The following HGSNAT variants were observed in gnomAD, a reference collection of about 807,000 sequenced individuals.
HGSNAT encodes the protein heparan-alpha-glucosaminide N-acetyltransferase.
A neutral mutation model predicts 85.2 loss-of-function variants in HGSNAT; 59 were observed. That is an observed-to-expected ratio of 0.69 (90% confidence interval 0.56 to 0.86). The LOEUF (loss-of-function observed/expected upper bound fraction) is 0.86. Among genes scored for constraint, HGSNAT ranks in the 40% least tolerant of loss-of-function variants. The pLI is 0.00. For missense variants in HGSNAT, 756 were observed against 777.1 expected (o/e 0.97, Z 0.32); for synonymous variants, 321 against 304.5 (o/e 1.05, Z -0.56).
At chr8:43,180,237 C>T (rs149405498) in intron 10 of HGSNAT, 10,399 of 51,546 alleles carry the variant, frequency 0.2, 1 homozygote, top group Middle Eastern at 0.28. Context: ...GGGGGGCTGA[C>T]CCCCCCCACC....
intron 1 of HGSNAT, among the ~76,000 whole-genome samples, chr8:43,142,120 G>C (rs961340414): frequency 6.6e-6 from 1 of 151,916 alleles, no homozygotes; most frequent in African/African-American, 2.4e-5. Flanking sequence ...GCCCAGCAAA[G>C]ATAACTCACG....
chr8:43,182,270 C>G lies in HGSNAT; in HGVS notation c.1128+10C>G, dbSNP rs767856217. ...TGAACATTGTGCCTCGGTGAGAAAC[C>G]ATGTTTTAATTAAGAAAAACTTTTT... On this transcript the variant is annotated intron_variant, in intron 11 of 17. Transcript: ENST00000379644. 1.3e-6 allele frequency: 2 copies of G among 1,599,578 alleles called. No individual in the cohort carries two copies.
intron 14 of HGSNAT, among the ~76,000 whole-genome samples, chr8:43,195,022 C>T (rs1014016943): frequency 2.0e-5 from 3 of 151,918 alleles, no homozygotes; most frequent in Non-Finnish European, 4.4e-5. Context: ...TAGCCAGGGT[C>T]GCTGTTGAGC....
At chr8:43,149,948 CTTTTA>C (rs1384081515) in intron 2 of HGSNAT, among the ~76,000 whole-genome samples, 1 of 150,694 alleles carries the variant, frequency 6.6e-6, no homozygotes, top group South Asian at 2.1e-4. Flanking sequence ...GTAGAAAGAC[CTTTTA>C]TTTTATTTAT....
At chr8:43,162,951 C>T (rs776625054) in intron 5 of HGSNAT, among the ~76,000 whole-genome samples, 16 of 151,864 alleles carry the variant, frequency 1.1e-4, no homozygotes, top group Non-Finnish European at 2.1e-4. Flanking sequence ...TTTGAGAGGC[C>T]AAGGCAGATG....
chr8:43,145,888 G>A (rs1294138098), intron 1 of HGSNAT, among the ~76,000 whole-genome samples: 2 of 152,116 alleles, frequency 1.3e-5, no homozygotes, highest in East Asian at 3.9e-4. Flanking sequence ...TCCTCATTGT[G>A]TTATTAAGTA....
At chr8:43,144,760 A>G (rs1405656576) in intron 1 of HGSNAT, among the ~76,000 whole-genome samples, 1 of 152,114 alleles carries the variant, frequency 6.6e-6, no homozygotes, top group Non-Finnish European at 1.5e-5. Context: ...ACTTAGGGTA[A>G]ATGAAAAATT....
At chr8:43,157,144 T>C (rs2130709898) in intron 2 of HGSNAT, among the ~76,000 whole-genome samples, 1 of 152,320 alleles carries the variant, frequency 6.6e-6, no homozygotes, top group Non-Finnish European at 1.5e-5. Flanking sequence ...AAAAGTTTAA[T>C]ATTATAGTAT....
At chr8:43,163,416 G>A (rs991387466) in intron 5 of HGSNAT, among the ~76,000 whole-genome samples, 18 of 151,906 alleles carry the variant, frequency 1.2e-4, no homozygotes, top group African/African-American at 3.6e-4. Context: ...AGAAAAAGTC[G>A]AGAGAATAAA....
At chr8:43,178,036 T>A in intron 9 of HGSNAT, 38 bp from the exon 10 acceptor site, 1 of 1,570,920 alleles carries the variant, frequency 6.4e-7, no homozygotes, top group Non-Finnish European at 8.8e-7. Flanking sequence ...ACAAAAAATT[T>A]GGAAATGGCC....
At chr8:43,142,763 T>G (rs2130660762) in intron 1 of HGSNAT, among the ~76,000 whole-genome samples, 1 of 152,366 alleles carries the variant, frequency 6.6e-6, no homozygotes, top group Admixed American at 6.5e-5. Context: ...CAATGAAGAC[T>G]GAGCCCCTCT....
intron 17 of HGSNAT, 51 bp from the exon 18 acceptor site, chr8:43,199,337 A>T: frequency 1.6e-6 from 2 of 1,289,622 alleles, no homozygotes; most frequent in Non-Finnish European, 1.1e-6. Flanking sequence ...AGATGGTTAG[A>T]TGTGACTCAT....
At chr8:43,150,790 C>T (rs964428174) in intron 2 of HGSNAT, among the ~76,000 whole-genome samples, 2 of 151,740 alleles carry the variant, frequency 1.3e-5, no homozygotes, top group African/African-American at 2.4e-5. Flanking sequence ...GCCAAGATTG[C>T]GCCACTGCAC....
chr8:43,162,151 T>A (rs189790693), intron 5 of HGSNAT, among the ~76,000 whole-genome samples: 2 of 152,354 alleles, frequency 1.3e-5, no homozygotes, highest in East Asian at 3.9e-4. Context: ...TTAAAAAGAA[T>A]AAGAGTGAAT....
rs372644138 is a variant in HGSNAT at position 43,190,976 on chromosome 8, TA to T, written c.1129-497del. Among the ~76,000 whole-genome samples the T allele has an allele frequency of 2.6e-3, 403 of 152,314 alleles. 3 individuals are homozygous for T. Among genetic ancestry groups the T allele is most frequent in the African/African-American group, 9.2e-3 (382 of 41,570 alleles). ...GTTGTCTCTACACATGTACCTGCTC[TA>T]GACAGTCCGTATACATGAAGTCATA... On this transcript the variant is annotated intron_variant, in intron 11 of 17. Coordinates refer to ENST00000379644, the MANE Select transcript of HGSNAT (RefSeq NM_152419.3).
chr8:43,162,458 C>T (rs923941959), intron 5 of HGSNAT, among the ~76,000 whole-genome samples: 1 of 152,088 alleles, frequency 6.6e-6, no homozygotes, highest in Non-Finnish European at 1.5e-5. Flanking sequence ...AGTTTCATTT[C>T]TTTGAGTTAA....
chr8:43,141,795 G>C (rs1196225032), intron 1 of HGSNAT, among the ~76,000 whole-genome samples: 2 of 152,036 alleles, frequency 1.3e-5, no homozygotes, highest in East Asian at 3.9e-4. Context: ...CTTTAAAATT[G>C]CAAGGACCCC....
At position 43,201,224 on chromosome 8, in the gene HGSNAT, A is replaced by T. The variant is rs1804907776; in HGVS notation, c.*1655A>T. On this transcript the variant is annotated 3_prime_UTR_variant, in exon 18 of 18. Coordinates refer to ENST00000379644, the MANE Select transcript of HGSNAT (RefSeq NM_152419.3). This position sits in a 1 kb window ranked among gnomAD's most constrained non-coding sequence, Gnocchi z 4.4. ...TCACCTGTCCATTGCCACCAGATTA[A>T]GCTTTCTCCAGCCAGATCACCTCTC... The T allele has an allele frequency of 6.6e-6, 1 of 152,488 alleles. No homozygotes were observed. The highest frequency in any genetic ancestry group is 6.5e-5 in the Admixed American group (1 of 15,276). 9.4% of individuals were successfully genotyped at this position (152,488 alleles called of 1,614,324 possible).
chr8:43,175,713 G>A (rs189424513), intron 9 of HGSNAT, among the ~76,000 whole-genome samples: 214 of 151,268 alleles, frequency 1.4e-3, no homozygotes, highest in African/African-American at 4.5e-3. Flanking sequence ...TTACAGGTGC[G>A]CACCACCACA....
Sources: gnomAD v4.1 joint callset for allele counts (sites outside exome capture counted in the v4.1 genomes callset) on GRCh38, gnomAD v4.1.1 for gene constraint, Gnocchi (gnomAD v3.1) non-coding constraint, MANE v1.5 for transcripts, NCBI Gene and HGNC (gene_info 2026-07-23, HGNC 2026-07-21) for gene names.